JUP: variants seen among roughly 807,000 people sequenced by gnomAD.
The protein encoded by JUP is catenin (cadherin-associated protein), gamma 80kDa.
A neutral mutation model predicts 71.1 loss-of-function variants in JUP; 28 were observed. The ratio of observed to expected loss-of-function variants is 0.39; its 90% CI spans 0.29 to 0.54. The LOEUF (loss-of-function observed/expected upper bound fraction) is 0.54. Among genes scored for constraint, JUP ranks in the 20% least tolerant of loss-of-function variants. The pLI, the probability that JUP is intolerant of heterozygous loss-of-function variation, is 0.62. For missense variants in JUP, 869 were observed against 1,030.1 expected (o/e 0.84, Z 2.14); for synonymous variants, 401 against 438.9 (o/e 0.91, Z 1.08).
At chr17:41,773,390 G>C (rs1168602010) in intron 1 of JUP, among the ~76,000 whole-genome samples, 1 of 152,226 alleles carries the variant, frequency 6.6e-6, no homozygotes, top group Non-Finnish European at 1.5e-5. Flanking sequence ...ACCCGGAACA[G>C]GCAGAGGCAG....
intron 8 of JUP, 36 bp downstream of exon 8, chr17:41,762,947 T>A: frequency 6.3e-7 from 1 of 1,594,440 alleles, no homozygotes; most frequent in Non-Finnish European, 8.6e-7. Context: ...CTAAGCCTGC[T>A]GCAGGGAGCT....
chr17:41,763,354 G>C (rs781845186), intron 7 of JUP, 33 bp from the exon 8 acceptor site: 2 of 1,544,614 alleles, frequency 1.3e-6, no homozygotes, highest in African/African-American at 1.4e-5. Flanking sequence ...GGGAGTCAGG[G>C]AGCAGCCAAC....
intron 1 of JUP, chr17:41,776,082 G>A: frequency 1.5e-6 from 1 of 669,174 alleles, no homozygotes. Context: ...TGGAAATAAG[G>A]ACAGGAGTGG....
intron 11 of JUP, 47 bp downstream of exon 11, chr17:41,757,587 C>T (rs1377761800): frequency 2.5e-6 from 4 of 1,614,094 alleles, no homozygotes; most frequent in East Asian, 2.2e-5. Context: ...CAGCCTCCAT[C>T]GTGGCTGGGG....
intron 1 of JUP, among the ~76,000 whole-genome samples, chr17:41,774,233 G>T (rs143452812): frequency 4.6e-5 from 7 of 151,920 alleles, no homozygotes; most frequent in African/African-American, 7.3e-5. Flanking sequence ...GGATGCCATG[G>T]GGGGGTGGGG....
At chr17:41,783,294 GT>G (rs34800389) in intron 1 of JUP, among the ~76,000 whole-genome samples, 85,003 of 106,832 alleles carry the variant, frequency 0.8, 33,068 homozygotes, top group East Asian at 0.92. Flanking sequence ...CGTTTTTTTT[GT>G]TTTTTTTTTT....
Position 41,765,045 on chromosome 17 carries a change from C to T in JUP, c.932G>A (p.Gly311Glu). Residue 311 changes from glycine (G) to glutamate (E), a missense_variant, in exon 6 of 14, where the codon GGG (glycine) becomes GAG (glutamate). Coordinates refer to ENST00000393931, the MANE Select transcript of JUP (RefSeq NM_002230.4). ...ESKLIILANG[G>E]PQALVQIMRN... ...CATGATCTGCACGAGGGCCTGGGGCCCACCATTGGCCAGGATGATCAGCTA... is the reference window on the plus strand; with the variant it reads ...CATGATCTGCACGAGGGCCTGGGGCTCACCATTGGCCAGGATGATCAGCTA... 1 of 1,614,052 alleles carries T rather than the reference C, an allele frequency of 6.2e-7. No homozygotes were observed. Among genetic ancestry groups the T allele is most frequent in the Middle Eastern group, 1.6e-4 (1 of 6,062 alleles).
intron 5 of JUP, among the ~76,000 whole-genome samples, chr17:41,766,801 G>A (rs1555604210): frequency 2.6e-5 from 4 of 151,310 alleles, no homozygotes; most frequent in Admixed American, 2.6e-4. Flanking sequence ...GTTGCAGTGA[G>A]CCGAGATCGT....
At position 41,763,102 on chromosome 17, in the gene JUP, G is replaced by A. The variant is rs782575391; in HGVS notation, c.1378C>T (p.Arg460Cys). 21 of 1,614,058 alleles carry A rather than the reference G, an allele frequency of 1.3e-5. No homozygotes were observed. Among genetic ancestry groups the A allele is most frequent in the East Asian group, 6.7e-5 (3 of 44,890 alleles). Residue 460 changes from arginine (R) to cysteine (C), a missense_variant, in exon 8 of 14, where the codon CGC (arginine) becomes TGC (cysteine). Physicochemically the swap from Arg to Cys is radical, Grantham distance 180. Transcript: ENST00000393931. ...DITEPAVCAL[R>C]HLTSRHPEAE... ...TCAGGGTGGCGGCTAGTGAGGTGGC[G>A]CAGAGCGCAGACGGCAGGCTCCGTG...
intron 7 of JUP, among the ~76,000 whole-genome samples, chr17:41,764,282 C>T (rs1371566873): frequency 2.6e-5 from 4 of 152,170 alleles, no homozygotes; most frequent in Non-Finnish European, 4.4e-5. Context: ...CGCCTGTAAT[C>T]CCAGCACTTT....
chr17:41,780,803 G>A (rs1555610086), intron 1 of JUP, among the ~76,000 whole-genome samples: 1 of 152,032 alleles, frequency 6.6e-6, no homozygotes, highest in African/African-American at 2.4e-5. Flanking sequence ...CCAGCATGTC[G>A]GGAGGCCAAG....
chr17:41,781,555 A>C (rs1217829261), intron 1 of JUP, among the ~76,000 whole-genome samples: 1 of 152,194 alleles, frequency 6.6e-6, no homozygotes, highest in African/African-American at 2.4e-5. Flanking sequence ...GAGGCCGCTC[A>C]GTGTCACTTG....
At chr17:41,774,394 C>T (rs1489506509) in intron 1 of JUP, among the ~76,000 whole-genome samples, 1 of 152,088 alleles carries the variant, frequency 6.6e-6, no homozygotes, top group African/African-American at 2.4e-5. Flanking sequence ...AGTGCAGTGG[C>T]ATGATCTTGG....
At chr17:41,774,492 C>T (rs1555608070) in intron 1 of JUP, among the ~76,000 whole-genome samples, 2 of 151,988 alleles carry the variant, frequency 1.3e-5, no homozygotes, top group South Asian at 2.1e-4. Context: ...CACCACCACG[C>T]CTGGCTAATT....
At position 41,778,741 on chromosome 17, in the gene JUP, C is replaced by T. The variant is rs542555943; in HGVS notation, c.-8-6879G>A. 1.7e-3 allele frequency among the ~76,000 whole-genome samples: 255 copies of T among 150,220 alleles called. 1 individual carries two copies. The highest frequency in any genetic ancestry group is 5.9e-3 in the African/African-American group (240 of 40,808). On this transcript the variant is annotated intron_variant, in intron 1 of 13. Transcript: ENST00000393931. ...ACTGGCTAATACGGTGAAACCTCATCTCTACTAAAAATATAAAAAATTAGC... is the reference window on the plus strand; with the variant it reads ...ACTGGCTAATACGGTGAAACCTCATTTCTACTAAAAATATAAAAAATTAGC...
At chr17:41,777,134 G>A (rs908525979) in intron 1 of JUP, among the ~76,000 whole-genome samples, 2 of 152,342 alleles carry the variant, frequency 1.3e-5, no homozygotes, top group East Asian at 3.9e-4. Context: ...ATGGGGACTA[G>A]GTAGGGAGCT....
intron 8 of JUP, among the ~76,000 whole-genome samples, chr17:41,759,893 T>C (rs1914513822): frequency 1.3e-5 from 2 of 152,094 alleles, no homozygotes; most frequent in South Asian, 4.1e-4. Flanking sequence ...GACATTTTTT[T>C]TTCTAAACAT....
chr17:41,764,677 G>C (rs781869312), intron 7 of JUP, 36 bp downstream of exon 7: 1 of 1,566,844 alleles, frequency 6.4e-7, no homozygotes, highest in African/African-American at 1.4e-5. Context: ...TGGGGCAGCT[G>C]AAGAGGTCAA....
At chr17:41,758,151 G>A (rs1204340521) in intron 10 of JUP, 2 of 543,490 alleles carry the variant, frequency 3.7e-6, no homozygotes, top group African/African-American at 1.9e-5. Flanking sequence ...TGTTTATATG[G>A]TTGAATCTCA....
Sources: allele counts gnomAD v4.1 joint callset (sites outside exome capture counted in the v4.1 genomes callset), GRCh38; gene constraint gnomAD v4.1.1; transcripts MANE v1.5; gene names NCBI Gene and HGNC (gene_info 2026-07-23, HGNC 2026-07-21).